The following P4HA1 variants were observed in gnomAD, a reference collection of about 807,000 sequenced individuals.
The protein encoded by P4HA1 is prolyl 4-hydroxylase subunit alpha 1.
P4HA1 carries 24 observed loss-of-function variants against 72.8 expected under a neutral mutation model. The observed-to-expected ratio is 0.33, with a 90% CI of 0.24 to 0.46. The LOEUF is 0.46. Ranked by LOEUF, P4HA1 falls within the 20% of genes least tolerant of loss-of-function variation. The pLI, the probability that P4HA1 is intolerant of heterozygous loss-of-function variation, is 1.00. For synonymous variants in P4HA1, 201 were observed against 218.8 expected, an observed-to-expected ratio of 0.92 and a Z score of 0.72; for missense variants, 446 against 640.6, an observed-to-expected ratio of 0.70 and a Z score of 3.28.
chr10:73,008,995 C>T lies in P4HA1; in HGVS notation c.1535-703G>A, dbSNP rs896363622. Among the ~76,000 whole-genome samples the T allele has an allele frequency of 1.2e-4, 19 of 152,164 alleles. 1 individual carries two copies. The highest frequency in any genetic ancestry group is 2.6e-4 in the Non-Finnish European group (18 of 68,020). ...ATCTATTTGCTCTCCAACCCTTTCA[C>T]TGATGCTTTAATCCAGGCCATTATC... On this transcript the variant is annotated intron_variant, in intron 14 of 14. Transcript: ENST00000394890.
At chr10:73,019,647 T>C (rs771660062) in intron 10 of P4HA1, among the ~76,000 whole-genome samples, 1 of 144,660 alleles carries the variant, frequency 6.9e-6, no homozygotes, top group Non-Finnish European at 1.5e-5. Context: ...GGAGAATCGC[T>C]TGAACCTGGG....
intron 9 of P4HA1, among the ~76,000 whole-genome samples, chr10:73,036,252 T>C (rs897585176): frequency 6.7e-6 from 1 of 150,306 alleles, no homozygotes; most frequent in African/African-American, 2.5e-5. Context: ...ATGTTGATTG[T>C]AGGTTAAAAA....
intron 5 of P4HA1, among the ~76,000 whole-genome samples, chr10:73,064,475 T>C (rs1407915228): frequency 8.5e-6 from 1 of 118,158 alleles, no homozygotes; most frequent in African/African-American, 4.4e-5. Flanking sequence ...TGAGATCCTG[T>C]CTCAAAAAAA....
intron 5 of P4HA1, among the ~76,000 whole-genome samples, chr10:73,055,073 A>AT (rs936538366): frequency 3.3e-5 from 5 of 152,074 alleles, no homozygotes; most frequent in African/African-American, 1.2e-4. Context: ...CAAAAAAAAA[A>AT]TTTTTAGAAA....
At chr10:73,096,322 C>T (rs1842164086) in intron 1 of P4HA1, among the ~76,000 whole-genome samples, 1 of 152,218 alleles carries the variant, frequency 6.6e-6, no homozygotes, top group Admixed American at 6.5e-5. Context: ...TCTCCACCGC[C>T]ACATGCGAAC....
intron 11 of P4HA1, among the ~76,000 whole-genome samples, chr10:73,016,413 G>A (rs1391827352): frequency 2.0e-5 from 3 of 152,204 alleles, no homozygotes; most frequent in East Asian, 3.9e-4. Context: ...TATACCTATC[G>A]CAATGGTCCC....
intron 7 of P4HA1, among the ~76,000 whole-genome samples, chr10:73,050,119 C>T (rs923272079): frequency 1.3e-5 from 2 of 150,238 alleles, no homozygotes; most frequent in African/African-American, 4.9e-5. Context: ...TGAGCCGAGA[C>T]TGCGCTACCG....
At chr10:73,074,718 A>G (rs2133137016) in intron 2 of P4HA1, 90 bp downstream of exon 2, 1 of 733,400 alleles carries the variant, frequency 1.4e-6, no homozygotes, top group East Asian at 2.6e-5. Flanking sequence ...CTAGGAATAC[A>G]CTGTATTTGT....
At chr10:73,054,412 T>G (rs1841088847) in intron 5 of P4HA1, among the ~76,000 whole-genome samples, 1 of 152,202 alleles carries the variant, frequency 6.6e-6, no homozygotes, top group Admixed American at 6.5e-5. Flanking sequence ...AATCTAATTT[T>G]AGAACATTTT....
At chr10:73,041,409 C>G (rs756044991) in intron 9 of P4HA1, among the ~76,000 whole-genome samples, 13 of 151,912 alleles carry the variant, frequency 8.6e-5, no homozygotes, top group Non-Finnish European at 1.8e-4. Context: ...CGGGCAGCAG[C>G]GGGCGCCTGT....
intron 12 of P4HA1, among the ~76,000 whole-genome samples, chr10:73,012,000 G>A (rs530929810): frequency 1.3e-4 from 20 of 152,228 alleles, no homozygotes; most frequent in African/African-American, 4.8e-4. Context: ...AAAAAGTTGT[G>A]CATGAGAGGA....
At chr10:73,024,494 T>C (rs1840217879) in intron 10 of P4HA1, among the ~76,000 whole-genome samples, 1 of 152,080 alleles carries the variant, frequency 6.6e-6, no homozygotes, top group South Asian at 2.1e-4. Context: ...TTTAAAGCAG[T>C]GTAGAGGAAA....
intron 1 of P4HA1, among the ~76,000 whole-genome samples, chr10:73,085,304 A>G (rs1370442150): frequency 6.6e-6 from 1 of 152,208 alleles, no homozygotes; most frequent in Non-Finnish European, 1.5e-5. Context: ...AAGCGAAGAC[A>G]ATGTAAAAAA....
At chr10:73,038,132 G>A (rs904422898) in intron 9 of P4HA1, among the ~76,000 whole-genome samples, 1 of 152,106 alleles carries the variant, frequency 6.6e-6, no homozygotes, top group African/African-American at 2.4e-5. Context: ...GTGTGCACCC[G>A]TAGCCCCAGT....
chr10:73,045,814 C>G (rs768624998), intron 8 of P4HA1, among the ~76,000 whole-genome samples: 8 of 147,980 alleles, frequency 5.4e-5, no homozygotes, highest in Non-Finnish European at 8.9e-5. Context: ...CCTTGGATGG[C>G]ACCAATAATA....
chr10:73,090,381 G>A (rs552486750), intron 1 of P4HA1, among the ~76,000 whole-genome samples: 27 of 152,310 alleles, frequency 1.8e-4, no homozygotes, highest in Admixed American at 1.7e-3. Context: ...CAGTCCTCCT[G>A]CCTCGGCCAC....
chr10:73,031,534 C>A (rs1021163859), intron 9 of P4HA1, among the ~76,000 whole-genome samples: 20 of 151,724 alleles, frequency 1.3e-4, no homozygotes, highest in Admixed American at 1.1e-3. Context: ...TCAAAGAAGC[C>A]AGATACAAAG....
intron 9 of P4HA1, among the ~76,000 whole-genome samples, chr10:73,037,672 T>C (rs1367345437): frequency 1.4e-5 from 2 of 147,906 alleles, no homozygotes; most frequent in African/African-American, 5.0e-5. Flanking sequence ...AGGTGCTTGA[T>C]GGTTAACAAA....
intron 1 of P4HA1, among the ~76,000 whole-genome samples, chr10:73,096,114 T>G (rs1031168917): frequency 6.6e-6 from 1 of 152,230 alleles, no homozygotes; most frequent in Non-Finnish European, 1.5e-5. Context: ...CGAGGTGACC[T>G]GAGAGCCTAC....
Sources: allele counts gnomAD v4.1 joint callset (sites outside exome capture counted in the v4.1 genomes callset), GRCh38; gene constraint gnomAD v4.1.1; transcripts MANE v1.5; gene names NCBI Gene and HGNC (gene_info 2026-07-23, HGNC 2026-07-21).